Variants in DDHD1 observed in about 807,000 individuals in gnomAD.
The protein encoded by DDHD1 is DDHD domain containing 1, also known as phospholipase DDHD1.
A neutral mutation model predicts 96.4 loss-of-function variants in DDHD1; 49 were observed. That is an observed-to-expected ratio of 0.51 (90% CI 0.40 to 0.64). The LOEUF is 0.64. Ranked by LOEUF, DDHD1 falls within the 30% of genes least tolerant of loss-of-function variation. The pLI, the probability that DDHD1 is intolerant of heterozygous loss-of-function variation, is 0.00. For missense variants in DDHD1, 1,106 were observed against 1,161.2 expected (o/e 0.95, Z 0.69); for synonymous variants, 442 against 446.5 (o/e 0.99, Z 0.13).
At position 53,046,751 on chromosome 14, in the gene DDHD1, A is replaced by G. The variant is rs1268929196; in HGVS notation, c.*17T>C. The G allele has an allele frequency of 2.1e-6, 3 of 1,435,394 alleles. No homozygotes were observed. The highest frequency in any genetic ancestry group is 2.7e-6 in the Non-Finnish European group (3 of 1,098,270). The allele number at this position is 1,435,394 out of a possible 1,614,324, so 88.9% of individuals were successfully genotyped here. On this transcript the variant is annotated 3_prime_UTR_variant, in exon 13 of 13. Coordinates refer to ENST00000673822, the MANE Select transcript of DDHD1 (RefSeq NM_001160148.2). ...AAAAAAAATCAGTTTTAGGCCATTCATGTCCTTCAAGAGAGTTCAGATTGG... is the reference window on the plus strand; with the variant it reads ...AAAAAAAATCAGTTTTAGGCCATTCGTGTCCTTCAAGAGAGTTCAGATTGG...
intron 4 of DDHD1, among the ~76,000 whole-genome samples, chr14:53,090,912 T>C (rs746666664): frequency 6.6e-6 from 1 of 152,120 alleles, no homozygotes; most frequent in Non-Finnish European, 1.5e-5. Context: ...TTTAATCCGT[T>C]AGCTGGCATT....
At chr14:53,069,182 G>C (rs1884305450) in intron 6 of DDHD1, among the ~76,000 whole-genome samples, 1 of 152,100 alleles carries the variant, frequency 6.6e-6, no homozygotes, top group South Asian at 2.1e-4. Flanking sequence ...AGTTGTCCCA[G>C]CCCCAGAATC....
intron 12 of DDHD1, 98 bp downstream of exon 12, chr14:53,051,746 T>A (rs1402406858): frequency 2.2e-6 from 2 of 908,880 alleles, no homozygotes; most frequent in African/African-American, 3.4e-5. Flanking sequence ...GAAGCTGGGA[T>A]CTCATAGAAG....
chr14:53,090,634 A>T (rs539254253), intron 4 of DDHD1, among the ~76,000 whole-genome samples: 13 of 152,314 alleles, frequency 8.5e-5, no homozygotes, highest in Middle Eastern at 3.4e-3. Context: ...ACAGAAAACC[A>T]AACACCGTAT....
chr14:53,072,294 T>C (rs1884574308), intron 6 of DDHD1, among the ~76,000 whole-genome samples: 1 of 152,030 alleles, frequency 6.6e-6, no homozygotes. Flanking sequence ...TTAAAGGACA[T>C]TTTATGTCTA....
intron 2 of DDHD1, among the ~76,000 whole-genome samples, chr14:53,096,507 T>C (rs1886897754): frequency 6.6e-6 from 1 of 152,026 alleles, no homozygotes; most frequent in Non-Finnish European, 1.5e-5. Flanking sequence ...AAAAAGAACA[T>C]AACATTTTCA....
chr14:53,054,302 AT>A (rs1032526650), intron 11 of DDHD1, 135 bp downstream of exon 11: 10 of 720,316 alleles, frequency 1.4e-5, no homozygotes, highest in Non-Finnish European at 1.9e-5. Context: ...GAAGGAAAGC[AT>A]TTTTTTCTTT....
At chr14:53,131,005 C>G (rs1889826380) in intron 1 of DDHD1, among the ~76,000 whole-genome samples, 1 of 152,184 alleles carries the variant, frequency 6.6e-6, no homozygotes, top group African/African-American at 2.4e-5. Context: ...TTTCAACGGC[C>G]TGTTTCCCTT....
chr14:53,132,609 G>T (rs1046533619), intron 1 of DDHD1, among the ~76,000 whole-genome samples: 1 of 152,162 alleles, frequency 6.6e-6, no homozygotes, highest in African/African-American at 2.4e-5. Flanking sequence ...TATTTATGTT[G>T]ACTCTAAATA....
intron 1 of DDHD1, among the ~76,000 whole-genome samples, chr14:53,118,759 C>T (rs564526843): frequency 6.6e-6 from 1 of 152,258 alleles, no homozygotes; most frequent in African/African-American, 2.4e-5. Flanking sequence ...TCCAGGAGAA[C>T]TTCCCCATCC....
intron 7 of DDHD1, among the ~76,000 whole-genome samples, chr14:53,062,115 T>A (rs1010928726): frequency 6.6e-6 from 1 of 151,618 alleles, no homozygotes; most frequent in Non-Finnish European, 1.5e-5. Flanking sequence ...GATTTATACA[T>A]CTAAAATGCT....
At chr14:53,107,338 A>G (rs899760851) in intron 1 of DDHD1, among the ~76,000 whole-genome samples, 3 of 152,220 alleles carry the variant, frequency 2.0e-5, no homozygotes, top group African/African-American at 7.2e-5. Flanking sequence ...CAAAACCACC[A>G]CAGTTGATCT....
chr14:53,126,618 T>C (rs1199953530), intron 1 of DDHD1, among the ~76,000 whole-genome samples: 1 of 152,214 alleles, frequency 6.6e-6, no homozygotes. Context: ...TCCATCCACC[T>C]TGGCCTCCCA....
chr14:53,054,850 T>A (rs1882904721), intron 10 of DDHD1, among the ~76,000 whole-genome samples: 2 of 152,126 alleles, frequency 1.3e-5, no homozygotes, highest in African/African-American at 2.4e-5. Flanking sequence ...AACACAGGAA[T>A]ATATAAACAA....
intron 4 of DDHD1, among the ~76,000 whole-genome samples, chr14:53,084,492 A>AATATAT (rs1885754971): frequency 6.6e-6 from 1 of 152,242 alleles, no homozygotes. Context: ...CTAACATATA[A>AATATAT]ATATAAACAT....
intron 9 of DDHD1, among the ~76,000 whole-genome samples, chr14:53,057,718 C>G (rs1883182768): frequency 6.6e-6 from 1 of 152,210 alleles, no homozygotes. Flanking sequence ...TCTTGTATTA[C>G]AGGTGCAACA....
Position 53,050,046 on chromosome 14 carries a change from ATAAG to A in DDHD1, c.2521+1794_2521+1797del, listed in dbSNP as rs534784212. Among the ~76,000 whole-genome samples, 143 of 152,306 alleles carry A rather than the reference ATAAG, an allele frequency of 9.4e-4. 3 individuals are homozygous for A. The highest frequency in any genetic ancestry group is 3.3e-3 in the African/African-American group (136 of 41,574). On this transcript the variant is annotated intron_variant, in intron 12 of 12. Transcript: ENST00000673822. ...CACAAGGCTTGTCAACAGACATATA[ATAAG>A]TAATTATAATATATGGTAGAATGTG...
In DDHD1 at chr14:53,044,266, T is replaced by C. The variant is rs116995768; in HGVS notation, c.*2502A>G. 4.0e-4 allele frequency: 61 copies of C among 152,318 alleles called. 1 individual carries two copies. In the East Asian group the frequency reaches 0.011, roughly 28 times the overall value. The allele number at this position is 152,318 out of a possible 1,614,324, so 9.4% of individuals were successfully genotyped here. On this transcript the variant is annotated 3_prime_UTR_variant, in exon 13 of 13. Transcript: ENST00000673822. ...CTTATTTTTGAAAAGGTTTTGAATA[T>C]TGCTCTTTCCAAGAATTCAAATAAA...
Position 53,046,894 on chromosome 14 carries a change from G to A in DDHD1, c.2577C>T (p.Arg859=), listed in dbSNP as rs1219034460. 2 of 1,613,404 alleles carry A rather than the reference G, an allele frequency of 1.2e-6. No homozygotes were observed. Among genetic ancestry groups the A allele is most frequent in the Admixed American group, 1.7e-5 (1 of 59,910 alleles). ...FELREGLVES[R]YWSAVTSHTA... ...TATGCGACGTGACAGCTGACCAATA[G>A]CGGCTCTCCACAAGGCCTTCTCTGA... Residue 859 remains arginine (R), a synonymous_variant, in exon 13 of 13, where the codon CGC becomes CGT. Transcript: ENST00000673822.
Sources: allele counts gnomAD v4.1 joint callset (sites outside exome capture counted in the v4.1 genomes callset), GRCh38; gene constraint gnomAD v4.1.1; transcripts MANE v1.5; gene names NCBI Gene and HGNC (gene_info 2026-07-23, HGNC 2026-07-21).